The following PAM variants were observed in gnomAD, a reference collection of about 807,000 sequenced individuals.
PAM encodes peptidylglycine alpha-amidating monooxygenase.
In PAM, 72 loss-of-function variants were observed where a neutral mutation model predicts 122.1. The observed-to-expected ratio is 0.59, with a 90% CI of 0.49 to 0.72. The LOEUF is 0.72. PAM is among the 30% of genes least tolerant of loss of function. The pLI, the probability that PAM is intolerant of heterozygous loss-of-function variation, is 0.00. For synonymous variants in PAM, 389 were observed against 404.4 expected (o/e 0.96, Z 0.46); for missense variants, 1,106 against 1,183.7 (o/e 0.93, Z 0.96).
intron 4 of PAM, among the ~76,000 whole-genome samples, chr5:102,906,889 A>G (rs1052127537): frequency 6.6e-6 from 1 of 151,758 alleles, no homozygotes; most frequent in Non-Finnish European, 1.5e-5. Context: ...TATTATAGGA[A>G]TGACATTACA....
intron 1 of PAM, among the ~76,000 whole-genome samples, chr5:102,814,827 T>G (rs1370436519): frequency 6.6e-6 from 1 of 151,984 alleles, no homozygotes; most frequent in African/African-American, 2.4e-5. Flanking sequence ...ATCTCTGCCC[T>G]ATGCTTTCCC....
intron 3 of PAM, among the ~76,000 whole-genome samples, chr5:102,880,389 C>T (rs1225088066): frequency 1.3e-5 from 2 of 151,926 alleles, no homozygotes; most frequent in Non-Finnish European, 2.9e-5. Context: ...TAAATTCTTT[C>T]CCAATACATA....
At chr5:102,790,536 A>G (rs1761777317) in intron 1 of PAM, among the ~76,000 whole-genome samples, 1 of 151,988 alleles carries the variant, frequency 6.6e-6, no homozygotes, top group South Asian at 2.1e-4. Context: ...GTGATGAGAA[A>G]CCTATCCTAA....
At chr5:102,878,837 G>A (rs1267136623) in intron 3 of PAM, among the ~76,000 whole-genome samples, 1 of 151,936 alleles carries the variant, frequency 6.6e-6, no homozygotes, top group Non-Finnish European at 1.5e-5. Flanking sequence ...TATTATATGA[G>A]TCAAAAAGTT....
intron 14 of PAM, among the ~76,000 whole-genome samples, chr5:102,972,442 C>T (rs971466305): frequency 1.3e-5 from 2 of 151,988 alleles, no homozygotes; most frequent in African/African-American, 4.8e-5. Flanking sequence ...CCACCACACC[C>T]AGCTAATTTT....
At chr5:102,830,050 G>C (rs1774978060) in intron 1 of PAM, among the ~76,000 whole-genome samples, 1 of 152,274 alleles carries the variant, frequency 6.6e-6, no homozygotes, top group African/African-American at 2.4e-5. Flanking sequence ...GGGTCTACCT[G>C]CTCTAGGTAA....
At chr5:102,755,792 T>C (rs921517636) in intron 1 of PAM, among the ~76,000 whole-genome samples, 5 of 151,942 alleles carry the variant, frequency 3.3e-5, no homozygotes, top group African/African-American at 4.8e-5. Flanking sequence ...CCCTTCAGTC[T>C]AGTTTGGGGA....
At chr5:102,940,774 T>C (rs1754935273) in intron 7 of PAM, among the ~76,000 whole-genome samples, 1 of 152,046 alleles carries the variant, frequency 6.6e-6, no homozygotes, top group South Asian at 2.1e-4. Context: ...TACATAAATA[T>C]AAAGGTTTAA....
intron 16 of PAM, among the ~76,000 whole-genome samples, chr5:103,001,196 TG>T (rs998965701): frequency 6.6e-6 from 1 of 152,212 alleles, no homozygotes; most frequent in Non-Finnish European, 1.5e-5. Context: ...CCAGTACCTA[TG>T]TTTTTCAGAG....
intron 3 of PAM, among the ~76,000 whole-genome samples, chr5:102,875,179 AAATT>A (rs1237258209): frequency 6.8e-6 from 1 of 147,134 alleles, no homozygotes. Flanking sequence ...GCTTCATCCT[AAATT>A]ATTATCATTA....
At chr5:102,839,779 G>GA in intron 1 of PAM, among the ~76,000 whole-genome samples, 1 of 151,990 alleles carries the variant, frequency 6.6e-6, no homozygotes, top group East Asian at 1.9e-4. Context: ...GATTAAAAGA[G>GA]AAAAAATTAT....
intron 1 of PAM, among the ~76,000 whole-genome samples, chr5:102,821,911 A>G (rs191289903): frequency 1.3e-5 from 2 of 152,328 alleles, no homozygotes; most frequent in East Asian, 3.9e-4. Flanking sequence ...ACAATATCAA[A>G]CTTCTAAATA....
At chr5:102,871,702 AAT>A (rs947497477) in intron 3 of PAM, among the ~76,000 whole-genome samples, 6 of 146,968 alleles carry the variant, frequency 4.1e-5, no homozygotes, top group African/African-American at 1.2e-4. Flanking sequence ...ATATATATAA[AAT>A]ATATATATTA....
intron 1 of PAM, among the ~76,000 whole-genome samples, chr5:102,854,290 A>G (rs970583713): frequency 2.0e-5 from 3 of 152,198 alleles, no homozygotes; most frequent in Non-Finnish European, 2.9e-5. Context: ...ATATAGTTCC[A>G]TGAAATGTCC....
At chr5:103,003,511 T>C (rs13166836) in intron 17 of PAM, among the ~76,000 whole-genome samples, 1 of 152,182 alleles carries the variant, frequency 6.6e-6, no homozygotes, top group Non-Finnish European at 1.5e-5. Flanking sequence ...ATTAGCTTGA[T>C]TTAATCTCTC....
intron 15 of PAM, among the ~76,000 whole-genome samples, chr5:102,976,483 G>A (rs1007837004): frequency 6.6e-6 from 1 of 151,674 alleles, no homozygotes; most frequent in South Asian, 2.1e-4. Flanking sequence ...TTAATGTCTA[G>A]TCCTCAGGGT....
At chr5:102,852,311 A>G (rs765070602) in intron 1 of PAM, among the ~76,000 whole-genome samples, 11 of 152,202 alleles carry the variant, frequency 7.2e-5, no homozygotes, top group Non-Finnish European at 1.5e-4. Flanking sequence ...TTTGACAATG[A>G]CCTTAATATA....
At chr5:102,975,796 A>C (rs1767445687) in intron 15 of PAM, among the ~76,000 whole-genome samples, 1 of 152,150 alleles carries the variant, frequency 6.6e-6, no homozygotes, top group Non-Finnish European at 1.5e-5. Context: ...GTGGGAATAC[A>C]ATTGTGTTCA....
chr5:102,838,911 C>A (rs775102343), intron 1 of PAM, among the ~76,000 whole-genome samples: 2 of 152,128 alleles, frequency 1.3e-5, no homozygotes, highest in Non-Finnish European at 2.9e-5. Context: ...AATCAGAGAT[C>A]TGGAAATAAT....
Sources: allele counts gnomAD v4.1 joint callset (sites outside exome capture counted in the v4.1 genomes callset), GRCh38; gene constraint gnomAD v4.1.1; transcripts MANE v1.5; gene names NCBI Gene and HGNC (gene_info 2026-07-23, HGNC 2026-07-21).